PTK7: variants seen among roughly 807,000 people sequenced by gnomAD.
The protein encoded by PTK7 is inactive tyrosine-protein kinase 7.
Under a neutral mutation model 116.6 loss-of-function variants are expected in PTK7, and 39 were observed. That is an observed-to-expected ratio of 0.33 (90% confidence interval 0.26 to 0.44). The LOEUF (loss-of-function observed/expected upper bound fraction) is 0.44. Ranked by LOEUF, PTK7 falls within the 20% of genes least tolerant of loss-of-function variation. PTK7 has a pLI of 1.00. For missense variants in PTK7, 1,169 were observed against 1,425.6 expected, an observed-to-expected ratio of 0.82 and a Z score of 2.90; for synonymous variants, 546 against 563.6, an observed-to-expected ratio of 0.97 and a Z score of 0.44.
chr6:43,136,815 A>C (rs914423365), intron 7 of PTK7, among the ~76,000 whole-genome samples: 2 of 152,090 alleles, frequency 1.3e-5, no homozygotes, highest in African/African-American at 4.8e-5. Flanking sequence ...AGCCTGGACC[A>C]CATGGCCAGA....
intron 1 of PTK7, among the ~76,000 whole-genome samples, chr6:43,109,644 TG>T (rs1768079880): frequency 6.6e-6 from 1 of 152,058 alleles, no homozygotes; most frequent in African/African-American, 2.4e-5. Flanking sequence ...CTTCATTTGA[TG>T]GGTAGAACTC....
chr6:43,156,778 C>T (rs1771459041), intron 17 of PTK7, among the ~76,000 whole-genome samples: 1 of 152,072 alleles, frequency 6.6e-6, no homozygotes, highest in South Asian at 2.1e-4. Flanking sequence ...CGCCTGTAAT[C>T]CCAGCTACTT....
intron 5 of PTK7, among the ~76,000 whole-genome samples, chr6:43,131,029 T>TCACACACACACACACACACACACACACA (rs3222659): frequency 7.5e-6 from 1 of 133,756 alleles, no homozygotes; most frequent in African/African-American, 2.8e-5. Context: ...GGCAAAGACA[T>TCACACACACACACACACACACACACACA]CACACACACA....
intron 1 of PTK7, among the ~76,000 whole-genome samples, chr6:43,112,390 T>C (rs374227014): frequency 5.2e-4 from 79 of 152,018 alleles, no homozygotes; most frequent in African/African-American, 1.9e-3. Flanking sequence ...TGCCTCAGCA[T>C]CCCAAGTAGC....
chr6:43,080,668 G>A (rs1300532602), intron 1 of PTK7, among the ~76,000 whole-genome samples: 1 of 152,130 alleles, frequency 6.6e-6, no homozygotes, highest in Non-Finnish European at 1.5e-5. Context: ...TAGGCCGGGT[G>A]CAGTGGCTCA....
intron 1 of PTK7, among the ~76,000 whole-genome samples, chr6:43,117,212 T>G (rs73733802): frequency 0.019 from 2,956 of 152,188 alleles, 97 homozygotes; most frequent in African/African-American, 0.066. Flanking sequence ...CCCAATACAT[T>G]AATCTACTGG....
intron 1 of PTK7, among the ~76,000 whole-genome samples, chr6:43,108,431 A>C: frequency 8.0e-6 from 1 of 125,234 alleles, no homozygotes; most frequent in Non-Finnish European, 1.7e-5. Flanking sequence ...ACAGGGTCTC[A>C]GTTTGTTGCC....
intron 17 of PTK7, among the ~76,000 whole-genome samples, chr6:43,156,439 C>A (rs1204856810): frequency 6.6e-6 from 1 of 151,380 alleles, no homozygotes; most frequent in African/African-American, 2.4e-5. Context: ...CCCGTCTCTA[C>A]AAAAAAATAC....
intron 1 of PTK7, among the ~76,000 whole-genome samples, chr6:43,103,136 G>A (rs1350744145): frequency 6.6e-6 from 1 of 152,072 alleles, no homozygotes; most frequent in Non-Finnish European, 1.5e-5. Context: ...AAATACAACA[G>A]GAACATTTAT....
Position 43,136,271 on chromosome 6 carries a change from G to T in PTK7, c.1229-2578G>T, listed in dbSNP as rs559936040. ...AATCGCTTGAACCTGGGAGGTGGAG[G>T]TTGCAGTGAACAGAGATCGCGCCAC... On this transcript the variant is annotated intron_variant, in intron 7 of 19. Transcript: ENST00000230419. Among the ~76,000 whole-genome samples, 4 of 152,002 alleles carry T rather than the reference G, an allele frequency of 2.6e-5. No homozygotes were observed. The South Asian group carries it at 8.3e-4, about 32-fold the overall frequency.
At chr6:43,128,295 C>G (rs1769420510) in intron 1 of PTK7, among the ~76,000 whole-genome samples, 1 of 152,180 alleles carries the variant, frequency 6.6e-6, no homozygotes, top group Non-Finnish European at 1.5e-5. Flanking sequence ...CTCTCTTTTG[C>G]TAGGAAGCCT....
At chr6:43,085,384 G>A (rs112896395) in intron 1 of PTK7, among the ~76,000 whole-genome samples, 188 of 152,196 alleles carry the variant, frequency 1.2e-3, no homozygotes, top group African/African-American at 4.4e-3. Flanking sequence ...GAGTAGCTGG[G>A]ATTATAGGTG....
rs1420148385 is a variant in PTK7 at position 43,076,578 on chromosome 6, G to A, written c.79+11G>A. 1 of 1,573,774 alleles carries A rather than the reference G, an allele frequency of 6.4e-7. No individual in the cohort carries two copies. The highest frequency in any genetic ancestry group is 8.6e-7 in the Non-Finnish European group (1 of 1,165,414). On this transcript the variant is annotated intron_variant, in intron 1 of 19. Transcript: ENST00000230419. This position sits in a 1 kb window ranked among gnomAD's most constrained non-coding sequence, Gnocchi z 5.7. ...TGCCGCTGCTGGGCGGTGAGTACCC[G>A]AGAGTTGGGGGCACAGAGCTTGGGA...
At chr6:43,146,520 C>G in intron 16 of PTK7, 98 bp from the exon 17 acceptor site, 1 of 1,169,216 alleles carries the variant, frequency 8.6e-7, no homozygotes, top group South Asian at 1.3e-5. Flanking sequence ...TTCTCACTGC[C>G]TCCCCAGGCA....
chr6:43,101,139 C>T (rs1767551502), intron 1 of PTK7, among the ~76,000 whole-genome samples: 2 of 151,320 alleles, frequency 1.3e-5, no homozygotes, highest in Non-Finnish European at 2.9e-5. Context: ...AGCTTGAACC[C>T]GGGAGGCGGA....
At chr6:43,128,837 GCAT>G (rs940956559) in intron 1 of PTK7, 137 bp from the exon 2 acceptor site, 2 of 753,052 alleles carry the variant, frequency 2.7e-6, no homozygotes, top group African/African-American at 3.6e-5. Context: ...TGCAATTGTG[GCAT>G]CATGATCCTT....
intron 1 of PTK7, among the ~76,000 whole-genome samples, chr6:43,115,927 C>CAA (rs886959744): frequency 1.8e-4 from 5 of 27,316 alleles, no homozygotes; most frequent in Admixed American, 3.5e-4. Flanking sequence ...GACTCCATCT[C>CAA]AAAAAAAAAA....
At chr6:43,120,262 C>A (rs59328306) in intron 1 of PTK7, among the ~76,000 whole-genome samples, 2,961 of 152,254 alleles carry the variant, frequency 0.019, 87 homozygotes, top group African/African-American at 0.066. Flanking sequence ...ACTGCGTGTC[C>A]CAGGCACCAG....
At chr6:43,140,452 C>CA (rs58975715) in intron 10 of PTK7, among the ~76,000 whole-genome samples, 8,073 of 101,482 alleles carry the variant, frequency 0.08, 268 homozygotes, top group Non-Finnish European at 0.097. Context: ...GACTCCATCT[C>CA]AAAAAAAAAA....
Sources: allele counts gnomAD v4.1 joint callset (sites outside exome capture counted in the v4.1 genomes callset), GRCh38; gene constraint gnomAD v4.1.1; non-coding constraint Gnocchi (gnomAD v3.1); transcripts MANE v1.5; gene names NCBI Gene and HGNC (gene_info 2026-07-23, HGNC 2026-07-21).